Variants in ROBO1 observed in about 807,000 individuals in gnomAD.
ROBO1 encodes the protein roundabout homolog 1.
ROBO1 carries 149 observed loss-of-function variants against 195.9 expected under a neutral mutation model. That is an observed-to-expected ratio of 0.76 (90% confidence interval 0.67 to 0.87). ROBO1 has a LOEUF of 0.87. Among genes scored for constraint, ROBO1 ranks in the 40% least tolerant of loss-of-function variants. The pLI is 0.00. For synonymous variants in ROBO1, 816 were observed against 733.2 expected (o/e 1.11, Z -1.82); for missense variants, 1,933 against 2,068.3 (o/e 0.93, Z 1.27).
rs758339834 is a variant in ROBO1 at position 78,668,504 on chromosome 3, C to T, written c.1610G>A (p.Ser537Asn). 3 of 1,613,842 alleles carry T rather than the reference C, an allele frequency of 1.9e-6. No individual in the cohort carries two copies. Among genetic ancestry groups the T allele is most frequent in the East Asian group, 2.2e-5 (1 of 44,876 alleles). Residue 537 changes from serine (S) to asparagine (N), a missense_variant, in exon 12 of 31, where the codon AGT (serine) becomes AAT (asparagine). Physicochemically the swap from Ser to Asn is conservative, Grantham distance 46. Around this residue, in one of 3 missense-constraint regions of ROBO1, gnomAD observed 1,737 missense variants for 1,882.5 expected, o/e 0.92. Coordinates refer to ENST00000464233, the MANE Select transcript of ROBO1 (RefSeq NM_002941.4). ...TTTACCTTGAACTTCAATGTAAGCA[C>T]TCCATGTTGCTTCACCACTGGGGGT... is the stretch of plus-strand genomic sequence containing the variant. ...ASTPSGEATW[S>N]AYIEVQEFGV...
At chr3:79,299,283 T>A (rs1025971724) in intron 2 of ROBO1, among the ~76,000 whole-genome samples, 1 of 152,124 alleles carries the variant, frequency 6.6e-6, no homozygotes, top group African/African-American at 2.4e-5. Context: ...ACAGACATAG[T>A]TTGAATCCTG....
chr3:79,204,286 G>A (rs975030527), intron 2 of ROBO1, among the ~76,000 whole-genome samples: 13 of 151,686 alleles, frequency 8.6e-5, no homozygotes, highest in African/African-American at 2.2e-4. Context: ...ATAGTTTCCC[G>A]ACTGAACTAT....
chr3:79,580,846 ACTT>A (rs200480421), intron 2 of ROBO1, among the ~76,000 whole-genome samples: 2,060 of 152,292 alleles, frequency 0.014, 23 homozygotes, highest in Non-Finnish European at 0.023. Flanking sequence ...CATACATTCA[ACTT>A]CTTCTCAAGT....
At chr3:79,267,275 G>C (rs1002130098) in intron 2 of ROBO1, among the ~76,000 whole-genome samples, 1 of 151,436 alleles carries the variant, frequency 6.6e-6, no homozygotes, top group Non-Finnish European at 1.5e-5. Context: ...ATAGTCCTGG[G>C]TCCAGCTTGA....
chr3:78,657,403 AT>A (rs3832208), intron 17 of ROBO1, 134 bp from the exon 18 acceptor site: 189,011 of 793,274 alleles, frequency 0.24, 25,068 homozygotes, highest in African/African-American at 0.42. Flanking sequence ...TTCCAAAGTC[AT>A]TTTTTCCCTA....
chr3:78,931,938 G>C (rs1025061598), intron 4 of ROBO1, among the ~76,000 whole-genome samples: 1 of 152,074 alleles, frequency 6.6e-6, no homozygotes, highest in African/African-American at 2.4e-5. Flanking sequence ...CTGTGCCACT[G>C]CACACCATCC....
At chr3:78,710,434 C>G (rs1438619943) in intron 8 of ROBO1, among the ~76,000 whole-genome samples, 1 of 152,104 alleles carries the variant, frequency 6.6e-6, no homozygotes, top group Non-Finnish European at 1.5e-5. Flanking sequence ...AGTAGAAGAG[C>G]CACTGATCTA....
rs1174518902 is a variant in ROBO1 at position 78,597,515 on chromosome 3, C to CTT, written c.*1396_*1397dup. 1 of 152,358 alleles carries CTT rather than the reference C, an allele frequency of 6.6e-6. No homozygotes were observed. Among genetic ancestry groups the CTT allele is most frequent in the Admixed American group, 6.6e-5 (1 of 15,250 alleles). The allele number at this position is 152,358 out of a possible 1,614,324, so 9.4% of individuals were successfully genotyped here. A position where few individuals can be genotyped will look rare whatever the true frequency, so the allele number is the denominator to read the frequency against. ...TTTTCCACTGGGGTCAGACCTGATA[C>CTT]TTATCTATCTATGAATAAATGTACA... On this transcript the variant is annotated 3_prime_UTR_variant, in exon 31 of 31. Coordinates refer to ENST00000464233, the MANE Select transcript of ROBO1 (RefSeq NM_002941.4).
intron 2 of ROBO1, among the ~76,000 whole-genome samples, chr3:79,424,922 T>A (rs893727690): frequency 6.6e-6 from 1 of 152,076 alleles, no homozygotes; most frequent in Admixed American, 6.6e-5. Flanking sequence ...TGTAGGAGAA[T>A]GAAGTCATGC....
At chr3:79,389,895 A>C (rs923161488) in intron 2 of ROBO1, among the ~76,000 whole-genome samples, 1 of 152,170 alleles carries the variant, frequency 6.6e-6, no homozygotes, top group African/African-American at 2.4e-5. Context: ...AGATTTAAAC[A>C]GGGAAATGAT....
intron 1 of ROBO1, among the ~76,000 whole-genome samples, chr3:79,755,835 C>T (rs1704366716): frequency 6.6e-6 from 1 of 152,166 alleles, no homozygotes; most frequent in Middle Eastern, 3.2e-3. Context: ...ACATTTTTGT[C>T]ACTGGAGTAA....
intron 2 of ROBO1, among the ~76,000 whole-genome samples, chr3:79,335,596 C>T (rs1221142150): frequency 6.6e-6 from 1 of 152,168 alleles, no homozygotes; most frequent in Non-Finnish European, 1.5e-5. Context: ...TTTCCTGAGG[C>T]CTCCCCAGCC....
chr3:79,194,196 T>C (rs1183746090), intron 2 of ROBO1, among the ~76,000 whole-genome samples: 1 of 151,716 alleles, frequency 6.6e-6, no homozygotes, highest in Admixed American at 6.6e-5. Context: ...ATTTATAGCC[T>C]ATCAATGTTT....
chr3:79,268,864 G>T (rs773447769), intron 2 of ROBO1, among the ~76,000 whole-genome samples: 2 of 151,500 alleles, frequency 1.3e-5, no homozygotes, highest in African/African-American at 2.4e-5. Context: ...GATTAATTAC[G>T]ATTAATACAA....
At chr3:79,493,851 T>A (rs1261906656) in intron 2 of ROBO1, among the ~76,000 whole-genome samples, 1 of 152,164 alleles carries the variant, frequency 6.6e-6, no homozygotes, top group African/African-American at 2.4e-5. Flanking sequence ...GTTAGAAACA[T>A]TCCAGTGATA....
chr3:78,720,093 G>A (rs1024629934), intron 5 of ROBO1, among the ~76,000 whole-genome samples: 2 of 152,114 alleles, frequency 1.3e-5, no homozygotes, highest in African/African-American at 4.8e-5. Context: ...ACATACCTCT[G>A]GTATGCGCAT....
chr3:78,757,830 A>T (rs2082978324), intron 4 of ROBO1, among the ~76,000 whole-genome samples: 1 of 152,230 alleles, frequency 6.6e-6, no homozygotes, highest in Admixed American at 6.5e-5. Context: ...GGGATCTTTA[A>T]TTGGTGACAG....
At chr3:79,217,410 A>G (rs1173566909) in intron 2 of ROBO1, among the ~76,000 whole-genome samples, 1 of 152,014 alleles carries the variant, frequency 6.6e-6, no homozygotes, top group Non-Finnish European at 1.5e-5. Context: ...TCATATCTCA[A>G]GCTTGACATT....
At chr3:78,792,507 T>C (rs1406198467) in intron 4 of ROBO1, among the ~76,000 whole-genome samples, 1 of 152,090 alleles carries the variant, frequency 6.6e-6, no homozygotes, top group Non-Finnish European at 1.5e-5. Flanking sequence ...GGATGGACAA[T>C]AGCAAGTAGA....
Sources: gnomAD v4.1 joint callset for allele counts (sites outside exome capture counted in the v4.1 genomes callset) on GRCh38, gnomAD v4.1.1 for gene constraint, gnomAD v4.1.1 regional missense constraint, MANE v1.5 for transcripts, NCBI Gene and HGNC (gene_info 2026-07-23, HGNC 2026-07-21) for gene names.